Variants in FERRY3 observed in about 807,000 individuals in gnomAD.
The protein encoded by FERRY3 is FERRY endosomal RAB5 effector complex subunit 3.
At chr12:4,535,822 AAAC>A in the FERRY3 span, among the ~76,000 whole-genome samples, 3 of 152,206 alleles carry the variant, frequency 2.0e-5, no homozygotes, top group Non-Finnish European at 4.4e-5. This position sits in a 1 kb window ranked among gnomAD's most constrained non-coding sequence, Gnocchi z 4.0. Context: ...TATATTTTAT[AAAC>A]AACTACCACT....
chr12:4,497,162 A>C, the FERRY3 span, among the ~76,000 whole-genome samples: 1 of 152,216 alleles, frequency 6.6e-6, no homozygotes, highest in Non-Finnish European at 1.5e-5. Context: ...AGAATGTATA[A>C]ATAACTGTGG....
At chr12:4,512,164 C>A in the FERRY3 span, among the ~76,000 whole-genome samples, 1 of 136,450 alleles carries the variant, frequency 7.3e-6, no homozygotes, top group Non-Finnish European at 1.5e-5. Flanking sequence ...TTCCTCGACA[C>A]ATACACTCTC....
At chr12:4,536,089 C>T in the FERRY3 span, 4 of 1,609,720 alleles carry the variant, frequency 2.5e-6, no homozygotes, top group Admixed American at 5.0e-5. Context: ...TTCTCTTGAA[C>T]AGGAAATTTG....
chr12:4,502,512 CAT>C, the FERRY3 span: 1 of 413,878 alleles, frequency 2.4e-6, no homozygotes, highest in African/African-American at 2.1e-5. This position sits in a 1 kb window ranked among gnomAD's most constrained non-coding sequence, Gnocchi z 4.2. Context: ...AAATAGAAAA[CAT>C]AGAAAGGATA....
At chr12:4,491,718 G>T in the FERRY3 span, among the ~76,000 whole-genome samples, 1 of 152,214 alleles carries the variant, frequency 6.6e-6, no homozygotes, top group East Asian at 1.9e-4. Context: ...GTCAAATATG[G>T]ACGTAAGTGT....
chr12:4,514,638 C>T, the FERRY3 span, among the ~76,000 whole-genome samples: 6 of 149,714 alleles, frequency 4.0e-5, no homozygotes, highest in East Asian at 2.0e-4. Context: ...AGTAAACTAT[C>T]GCAAGAACAA....
the FERRY3 span, among the ~76,000 whole-genome samples, chr12:4,508,125 A>G: frequency 1.3e-5 from 2 of 152,218 alleles, no homozygotes; most frequent in African/African-American, 4.8e-5. Flanking sequence ...AGTTATGACT[A>G]GATAGCCACA....
the FERRY3 span, among the ~76,000 whole-genome samples, chr12:4,519,749 T>C: frequency 6.6e-6 from 1 of 152,178 alleles, no homozygotes; most frequent in African/African-American, 2.4e-5. This position sits in a 1 kb window ranked among gnomAD's most constrained non-coding sequence, Gnocchi z 4.3. Context: ...CCACCTCCCA[T>C]CCGCTCAGCG....
chr12:4,492,350 AGC>A, the FERRY3 span, among the ~76,000 whole-genome samples: 1 of 152,204 alleles, frequency 6.6e-6, no homozygotes, highest in African/African-American at 2.4e-5. Context: ...ATTATCACAC[AGC>A]ACGTAGCTTC....
chr12:4,489,431 A>T, the FERRY3 span: 1 of 155,670 alleles, frequency 6.4e-6, no homozygotes, highest in East Asian at 1.8e-4. Context: ...TTGTATGTTT[A>T]ATTAAGGATT....
chr12:4,501,953 A>C, the FERRY3 span, among the ~76,000 whole-genome samples: 1 of 151,954 alleles, frequency 6.6e-6, no homozygotes, highest in Non-Finnish European at 1.5e-5. Context: ...ATCTTGTCTC[A>C]CTCTTTCCTC....
the FERRY3 span, chr12:4,525,639 C>T: frequency 8.2e-7 from 1 of 1,219,416 alleles, no homozygotes; most frequent in Non-Finnish European, 1.2e-6. Flanking sequence ...GGTATATGAT[C>T]CTTCAGATTC....
the FERRY3 span, among the ~76,000 whole-genome samples, chr12:4,501,526 T>A: frequency 6.6e-6 from 1 of 152,090 alleles, no homozygotes; most frequent in African/African-American, 2.4e-5. Flanking sequence ...CCGCCTCCTG[T>A]CAGATCAGTG....
chr12:4,490,582 C>A, the FERRY3 span: 1 of 1,609,964 alleles, frequency 6.2e-7, no homozygotes, highest in Non-Finnish European at 8.5e-7. Context: ...CCATTTCCAT[C>A]ATGAAACCTA....
the FERRY3 span, among the ~76,000 whole-genome samples, chr12:4,536,711 G>C: frequency 6.6e-6 from 1 of 152,092 alleles, no homozygotes; most frequent in East Asian, 1.9e-4. Context: ...GTGGGAAGAA[G>C]ATACACAGAA....
chr12:4,522,240 A>C, the FERRY3 span, among the ~76,000 whole-genome samples: 1 of 152,236 alleles, frequency 6.6e-6, no homozygotes, highest in East Asian at 1.9e-4. Flanking sequence ...TTTAACTGAT[A>C]AACTGCACTT....
chr12:4,502,505 T>G, the FERRY3 span: 2 of 415,772 alleles, frequency 4.8e-6, no homozygotes, highest in African/African-American at 4.2e-5. The surrounding 1 kb of genome is among the most constrained non-coding windows in gnomAD (Gnocchi z 4.2). Context: ...AGAAATAAAA[T>G]AGAAAACATA....
At chr12:4,505,471 A>G in the FERRY3 span, 1 of 838,526 alleles carries the variant, frequency 1.2e-6, no homozygotes, top group Non-Finnish European at 1.9e-6. Flanking sequence ...AACAACAGCA[A>G]AAATTCACTA....
chr12:4,521,380 G>A, the FERRY3 span, among the ~76,000 whole-genome samples: 1 of 151,940 alleles, frequency 6.6e-6, no homozygotes, highest in Non-Finnish European at 1.5e-5. Context: ...GGCCGGGGAG[G>A]AGAAGAAAAA....
Sources: allele counts gnomAD v4.1 joint callset (sites outside exome capture counted in the v4.1 genomes callset), GRCh38; gene constraint gnomAD v4.1.1; non-coding constraint Gnocchi (gnomAD v3.1); transcripts MANE v1.5; gene names NCBI Gene and HGNC (gene_info 2026-07-23, HGNC 2026-07-21).